CNTNAP2: variants seen among roughly 807,000 people sequenced by gnomAD.
CNTNAP2 encodes the protein contactin-associated protein-like 2.
CNTNAP2 carries 98 observed loss-of-function variants against 155.2 expected under a neutral mutation model. That is an observed-to-expected ratio of 0.63 (90% CI 0.54 to 0.75). The LOEUF (loss-of-function observed/expected upper bound fraction) is 0.75. CNTNAP2 is among the 30% of genes least tolerant of loss of function. CNTNAP2 has a pLI of 0.00. For synonymous variants in CNTNAP2, 651 were observed against 631.2 expected (o/e 1.03, Z -0.47); for missense variants, 1,727 against 1,688.1 (o/e 1.02, Z -0.40).
At chr7:146,926,294 T>G (rs912815996) in intron 3 of CNTNAP2, among the ~76,000 whole-genome samples, 1 of 151,912 alleles carries the variant, frequency 6.6e-6, no homozygotes, top group Non-Finnish European at 1.5e-5. Flanking sequence ...TAACAAAAAT[T>G]TTAACTTTCT....
chr7:146,970,539 A>G lies in CNTNAP2; in HGVS notation c.403-73368A>G, dbSNP rs149337403. On this transcript the variant is annotated intron_variant, in intron 3 of 23. Coordinates refer to ENST00000361727, the MANE Select transcript of CNTNAP2 (RefSeq NM_014141.6). Reference sequence around the variant, plus strand: ...CCATCCCACACCAGTTAGAATGGCAATCAATAAAAAGTCAGGAAACAACAG... The same window carrying G: ...CCATCCCACACCAGTTAGAATGGCAGTCAATAAAAAGTCAGGAAACAACAG... Among the ~76,000 whole-genome samples, 505 of 152,302 alleles carry G rather than the reference A, an allele frequency of 3.3e-3. 4 individuals carry two copies. Among genetic ancestry groups the G allele is most frequent in the African/African-American group, 0.012 (486 of 41,568 alleles).
intron 21 of CNTNAP2, among the ~76,000 whole-genome samples, chr7:148,319,691 C>A (rs928006394): frequency 1.3e-5 from 2 of 151,618 alleles, no homozygotes; most frequent in African/African-American, 4.8e-5. Flanking sequence ...ACTGTGCATG[C>A]GAGGGATCTA....
At chr7:146,183,236 AAGG>A (rs1798574549) in intron 1 of CNTNAP2, among the ~76,000 whole-genome samples, 1 of 152,058 alleles carries the variant, frequency 6.6e-6, no homozygotes, top group Admixed American at 6.6e-5. Context: ...CTCACAATAT[AAGG>A]AGAAGAAACC....
rs74572757 is a variant in CNTNAP2, at chr7:146,793,633, C to T, written c.208+19252C>T. On this transcript the variant is annotated intron_variant, in intron 2 of 23. Coordinates refer to ENST00000361727, the MANE Select transcript of CNTNAP2 (RefSeq NM_014141.6). The stretch of plus-strand genomic sequence containing the variant: ...AGAGGCAAGAATGCGATAGCTGTTC[C>T]TTGACATTGGAAAACCTTCAGCAAA... Among the ~76,000 whole-genome samples, 873 of 152,346 alleles carry T rather than the reference C, an allele frequency of 5.7e-3. 11 individuals are homozygous for T. Among genetic ancestry groups the T allele is most frequent in the African/African-American group, 0.02 (828 of 41,576 alleles).
At chr7:146,370,289 A>AAAAAAAAAT (rs1563058236) in intron 1 of CNTNAP2, among the ~76,000 whole-genome samples, 9 of 139,452 alleles carry the variant, frequency 6.5e-5, no homozygotes, top group African/African-American at 2.5e-4. Flanking sequence ...AAAAAAAAAA[A>AAAAAAAAAT]TTAGCCGGCG....
At chr7:146,592,329 G>C (rs1264946839) in intron 1 of CNTNAP2, among the ~76,000 whole-genome samples, 1 of 152,206 alleles carries the variant, frequency 6.6e-6, no homozygotes, top group Non-Finnish European at 1.5e-5. Flanking sequence ...ACAAGGCAGT[G>C]GTGGAAGTGT....
At position 147,295,167 on chromosome 7, in the gene CNTNAP2, G is replaced by C. The variant is rs552512475; in HGVS notation, c.1349-4974G>C. On this transcript the variant is annotated intron_variant, in intron 8 of 23. Coordinates refer to ENST00000361727, the MANE Select transcript of CNTNAP2 (RefSeq NM_014141.6). ...TCATTTTATTTCCAGACCTGATGCT[G>C]TATGAGATATGGCTATCCCCAGAAA... Among the ~76,000 whole-genome samples, 4 of 152,170 alleles carry C rather than the reference G, an allele frequency of 2.6e-5. No homozygotes were observed. In the East Asian group the frequency reaches 7.7e-4, roughly 29 times the overall value.
At chr7:147,963,694 G>A (rs996582241) in intron 14 of CNTNAP2, among the ~76,000 whole-genome samples, 19 of 152,080 alleles carry the variant, frequency 1.2e-4, no homozygotes, top group African/African-American at 4.6e-4. Flanking sequence ...TCCCAGGACT[G>A]GAAATTTCTA....
At chr7:148,318,277 GCT>G (rs1283574723) in intron 21 of CNTNAP2, among the ~76,000 whole-genome samples, 1 of 152,132 alleles carries the variant, frequency 6.6e-6, no homozygotes, top group African/African-American at 2.4e-5. Context: ...AAGTCACCCG[GCT>G]GTCGCCTGCT....
rs114657797 is a variant in CNTNAP2 at position 147,055,546 on chromosome 7, G to T, written c.550+11492G>T. Among the ~76,000 whole-genome samples, 217 of 152,286 alleles carry T rather than the reference G, an allele frequency of 1.4e-3. 2 individuals carry two copies. Among genetic ancestry groups the T allele is most frequent in the African/African-American group, 5.1e-3 (213 of 41,562 alleles). On this transcript the variant is annotated intron_variant, in intron 4 of 23. Coordinates refer to ENST00000361727, the MANE Select transcript of CNTNAP2 (RefSeq NM_014141.6). ...GGGTATGACGGAACACCTGACACCT[G>T]ACGTAAAGCAACTGAGACCAACAGC... is the stretch of plus-strand genomic sequence containing the variant.
At chr7:147,673,929 A>G (rs938234363) in intron 13 of CNTNAP2, among the ~76,000 whole-genome samples, 1 of 152,208 alleles carries the variant, frequency 6.6e-6, no homozygotes, top group Non-Finnish European at 1.5e-5. Flanking sequence ...GGGCTTTTTT[A>G]AAAATTCAAG....
At chr7:147,227,704 G>A (rs1427218074) in intron 8 of CNTNAP2, among the ~76,000 whole-genome samples, 1 of 152,142 alleles carries the variant, frequency 6.6e-6, no homozygotes, top group African/African-American at 2.4e-5. Flanking sequence ...CTGCTTTTGG[G>A]TTCAGTATCA....
chr7:146,827,993 G>A (rs1803439361), intron 2 of CNTNAP2, among the ~76,000 whole-genome samples: 1 of 151,936 alleles, frequency 6.6e-6, no homozygotes, highest in Non-Finnish European at 1.5e-5. Context: ...GACATATCTG[G>A]TTTTCCATAT....
chr7:146,805,517 G>A lies in CNTNAP2; in HGVS notation c.208+31136G>A, dbSNP rs150849519. Among the ~76,000 whole-genome samples the A allele has an allele frequency of 1.9e-3, 285 of 152,276 alleles. 1 individual carries two copies. Among genetic ancestry groups the A allele is most frequent in the African/African-American group, 6.3e-3 (263 of 41,568 alleles). ...CCTGGGAGCAGGATCCAATTCTCAA[G>A]AAGAAGTAATTGTTTATTATAGAGA... On this transcript the variant is annotated intron_variant, in intron 2 of 23. Transcript: ENST00000361727.
At chr7:148,098,953 A>G (rs561197791) in intron 15 of CNTNAP2, among the ~76,000 whole-genome samples, 1 of 152,314 alleles carries the variant, frequency 6.6e-6, no homozygotes, top group Non-Finnish European at 1.5e-5. Context: ...CCGCATCAAC[A>G]TCCAGTGTTT....
chr7:147,474,652 A>G (rs1477857207), intron 10 of CNTNAP2, among the ~76,000 whole-genome samples: 1 of 152,140 alleles, frequency 6.6e-6, no homozygotes, highest in Non-Finnish European at 1.5e-5. Context: ...AAAACAAATC[A>G]TTATAATATA....
At chr7:146,395,779 T>TAGATGATAGATA (rs11462122) in intron 1 of CNTNAP2, among the ~76,000 whole-genome samples, 12 of 122,118 alleles carry the variant, frequency 9.8e-5, no homozygotes, top group South Asian at 2.7e-4. Context: ...GATAGACAGA[T>TAGATGATAGATA]GATAGATAGA....
chr7:146,210,878 G>A (rs528015990), intron 1 of CNTNAP2, among the ~76,000 whole-genome samples: 7 of 151,258 alleles, frequency 4.6e-5, no homozygotes, highest in South Asian at 4.2e-4. Flanking sequence ...AACCCTGGAC[G>A]GTCATCTCAT....
In CNTNAP2 at chr7:146,182,058, C is replaced by A. The variant is rs376763382; in HGVS notation, c.97+65085C>A. Among the ~76,000 whole-genome samples, 8 of 152,108 alleles carry A rather than the reference C, an allele frequency of 5.3e-5. No individual in the cohort carries two copies. In the East Asian group the frequency reaches 1.4e-3, roughly 26 times the overall value. On this transcript the variant is annotated intron_variant, in intron 1 of 23. Transcript: ENST00000361727. ...TCTAATAATAAAAATAGCTGCAATACAGAGTCTCCAGTGCTCACAGAAATA... is the reference window on the plus strand; with the variant it reads ...TCTAATAATAAAAATAGCTGCAATAAAGAGTCTCCAGTGCTCACAGAAATA...
Sources: allele counts gnomAD v4.1 joint callset (sites outside exome capture counted in the v4.1 genomes callset), GRCh38; gene constraint gnomAD v4.1.1; transcripts MANE v1.5; gene names NCBI Gene and HGNC (gene_info 2026-07-23, HGNC 2026-07-21).